NFYA: variants seen among roughly 807,000 people sequenced by gnomAD.
The protein encoded by NFYA is CAAT-box DNA binding protein subunit A.
In NFYA, 28 loss-of-function variants were observed where a neutral mutation model predicts 52.8. That is an observed-to-expected ratio of 0.53 (90% confidence interval 0.39 to 0.73). NFYA has a LOEUF of 0.73. Ranked by LOEUF, NFYA falls within the 30% of genes least tolerant of loss-of-function variation. NFYA has a pLI of 0.00. For missense variants in NFYA, 234 were observed against 427.0 expected (o/e 0.55, Z 3.98); for synonymous variants, 150 against 150.7 (o/e 1.00, Z 0.03).
chr6:41,100,807 C>G lies in NFYA; in HGVS notation c.*3397C>G, dbSNP rs796070670. 3.3e-5 allele frequency among the ~76,000 whole-genome samples: 5 copies of G among 152,330 alleles called. No individual in the cohort carries two copies. Among genetic ancestry groups the G allele is most frequent in the African/African-American group, 9.6e-5 (4 of 41,582 alleles). On this transcript the variant is annotated 3_prime_UTR_variant, in exon 10 of 10. Coordinates refer to ENST00000341376, the MANE Select transcript of NFYA (RefSeq NM_002505.5). ...AAAGACAGCTTTGCTCCTTTGAAAG[C>G]GCAGACCGCCGCACCTCCAGCCCCT... is the stretch of plus-strand genomic sequence containing the variant.
At chr6:41,078,278 C>T (rs1158774789) in intron 1 of NFYA, among the ~76,000 whole-genome samples, 3 of 152,124 alleles carry the variant, frequency 2.0e-5, no homozygotes, top group Non-Finnish European at 4.4e-5. Context: ...TGATTAATTC[C>T]ACCAGCATGT....
chr6:41,080,706 C>T (rs1157972903), intron 2 of NFYA, 105 bp from the exon 3 acceptor site: 5 of 874,248 alleles, frequency 5.7e-6, no homozygotes, highest in Non-Finnish European at 9.3e-6. Flanking sequence ...TTTTGAAAGT[C>T]CTTCAGGCTT....
chr6:41,074,981 C>A (rs1289416526), intron 1 of NFYA, among the ~76,000 whole-genome samples: 2 of 151,420 alleles, frequency 1.3e-5, no homozygotes, highest in Non-Finnish European at 2.9e-5. Context: ...TGTTATACAA[C>A]TAATAGGTTT....
chr6:41,092,605 T>C (rs1262378024), intron 7 of NFYA, among the ~76,000 whole-genome samples: 5 of 152,210 alleles, frequency 3.3e-5, no homozygotes, highest in Non-Finnish European at 4.4e-5. Context: ...TTTTGTCTTA[T>C]GACTACTGTT....
chr6:41,091,999 G>T (rs1274437972), intron 7 of NFYA, among the ~76,000 whole-genome samples: 2 of 152,172 alleles, frequency 1.3e-5, no homozygotes, highest in African/African-American at 4.8e-5. Flanking sequence ...TCTTTGAGAA[G>T]TGGAAAGTAG....
In NFYA at chr6:41,089,724, C is replaced by T; in HGVS notation, c.441+14C>T. On this transcript the variant is annotated intron_variant, in intron 5 of 9. Coordinates refer to ENST00000341376, the MANE Select transcript of NFYA (RefSeq NM_002505.5). ...GGCCAGACTCAGGTAATTCCACTAG[C>T]TCTGTCACACAGGAGCAAAACTGAT... 2 of 1,608,976 alleles carry T rather than the reference C, an allele frequency of 1.2e-6. No homozygotes were observed. The highest frequency in any genetic ancestry group is 1.1e-5 in the South Asian group (1 of 90,384).
chr6:41,094,299 A>G (rs1309178761), intron 8 of NFYA, 97 bp from the exon 9 acceptor site: 16 of 1,005,600 alleles, frequency 1.6e-5, no homozygotes, highest in Non-Finnish European at 2.1e-5. Flanking sequence ...CTTTGATCCC[A>G]GCTGTCTTAA....
Position 41,090,279 on chromosome 6 carries a change from G to C in NFYA, c.517G>C (p.Val173Leu), listed in dbSNP as rs1324923266. ...AGGGCAGACCATCGTCTATCAACCA[G>C]TTAATGCAGATGGCACCATTCTCCA... ...AEGQTIVYQPVNADGTILQQV... is the reference protein window; with the variant it reads ...AEGQTIVYQPLNADGTILQQV... Residue 173 changes from valine to leucine, a missense_variant, in exon 6 of 10, where the codon GTT (valine) becomes CTT (leucine). Physicochemically the swap from Val to Leu is conservative, Grantham distance 32 (BLOSUM62 1). This residue lies in a region of NFYA where 81 missense variants were observed against 210.5 expected (regional missense o/e 0.38). Transcript: ENST00000341376. The C allele has an allele frequency of 6.2e-6, 10 of 1,613,848 alleles. No homozygotes were observed. The Admixed American group carries it at 1.2e-4, about 19-fold the overall frequency.
chr6:41,080,973 G>A (rs1167369527), intron 3 of NFYA, 76 bp downstream of exon 3: 1 of 1,216,678 alleles, frequency 8.2e-7, no homozygotes, highest in African/African-American at 1.5e-5. Context: ...TTTGTGTTAG[G>A]ATCTCCAGTA....
chr6:41,074,331 A>G (rs565608294), intron 1 of NFYA, among the ~76,000 whole-genome samples: 72 of 152,340 alleles, frequency 4.7e-4, no homozygotes, highest in African/African-American at 1.7e-3. Context: ...TGCCAGGTAT[A>G]ATCCGTGTGT....
chr6:41,097,045 T>C (rs1764377433), intron 9 of NFYA, among the ~76,000 whole-genome samples: 1 of 152,218 alleles, frequency 6.6e-6, no homozygotes, highest in African/African-American at 2.4e-5. Context: ...GACACCTGAA[T>C]CTGAATACTC....
chr6:41,089,039 G>C (rs1020037759), intron 4 of NFYA, among the ~76,000 whole-genome samples: 1 of 152,078 alleles, frequency 6.6e-6, no homozygotes, highest in Non-Finnish European at 1.5e-5. Context: ...AGGCTGGAGT[G>C]CAGTGGCGTG....
rs1242332186 is a variant in NFYA, at chr6:41,091,449, G to T, written c.548-79G>T. Reference sequence around the variant, plus strand: ...AGGATCGGTGAGTGTATACCAGATAGAAGAGGGACTAACTATGTTCCCTTC... The same window carrying T: ...AGGATCGGTGAGTGTATACCAGATATAAGAGGGACTAACTATGTTCCCTTC... On this transcript the variant is annotated intron_variant, in intron 6 of 9. Transcript: ENST00000341376. The T allele has an allele frequency of 3.5e-6, 5 of 1,429,244 alleles. No individual in the cohort carries two copies. In the East Asian group the frequency reaches 1.2e-4, roughly 34 times the overall value. The allele number at this position is 1,429,244 out of a possible 1,614,324, so 88.5% of individuals were successfully genotyped here. A position where few individuals can be genotyped will look rare whatever the true frequency, so the allele number is the denominator to read the frequency against.
At chr6:41,073,449 G>A (rs775817385) in intron 1 of NFYA, among the ~76,000 whole-genome samples, 40 of 152,002 alleles carry the variant, frequency 2.6e-4, no homozygotes, top group Non-Finnish European at 5.2e-4. Context: ...GGGGACACAT[G>A]CGCGCCCTGG....
At chr6:41,080,373 T>C (rs571110899) in intron 2 of NFYA, among the ~76,000 whole-genome samples, 7 of 152,196 alleles carry the variant, frequency 4.6e-5, no homozygotes, top group Non-Finnish European at 1.0e-4. Context: ...TTTCGGTTCA[T>C]AGTGATTAAT....
At chr6:41,091,777 C>A in intron 7 of NFYA, 83 bp downstream of exon 7, 1 of 1,489,154 alleles carries the variant, frequency 6.7e-7, no homozygotes. Context: ...ATTATGTTGA[C>A]CTCTTGGGAT....
intron 4 of NFYA, among the ~76,000 whole-genome samples, chr6:41,084,695 G>T (rs1763994621): frequency 6.6e-6 from 1 of 152,222 alleles, no homozygotes; most frequent in Non-Finnish European, 1.5e-5. Flanking sequence ...AGGCGCAGTG[G>T]CTCATGCCTG....
At chr6:41,083,368 G>A (rs914875853) in intron 3 of NFYA, among the ~76,000 whole-genome samples, 1 of 152,212 alleles carries the variant, frequency 6.6e-6, no homozygotes, top group African/African-American at 2.4e-5. Flanking sequence ...GGCCAGTGAG[G>A]AATTCCACCA....
Position 41,079,121 on chromosome 6 carries a change from C to T in NFYA, c.32C>T (p.Ser11Leu), listed in dbSNP as rs754042015. 2 of 1,614,002 alleles carry T rather than the reference C, an allele frequency of 1.2e-6. No individual in the cohort carries two copies. The highest frequency in any genetic ancestry group is 2.2e-5 in the East Asian group (1 of 44,890). Residue 11 changes from serine to leucine, a missense_variant, in exon 2 of 10, where the codon TCG becomes TTG. This residue lies in a region of NFYA where 118 missense variants were observed against 182.4 expected (regional missense o/e 0.65). Coordinates refer to ENST00000341376, the MANE Select transcript of NFYA (RefSeq NM_002505.5). MEQYTANSNS[S>L]TEQIVVQAGQ... ...CAGTATACAGCAAACAGCAATAGTT[C>T]GACAGAGCAGATTGTTGTCCAGGCA...
Sources: allele counts gnomAD v4.1 joint callset (sites outside exome capture counted in the v4.1 genomes callset), GRCh38; gene constraint gnomAD v4.1.1; regional missense constraint gnomAD v4.1.1; transcripts MANE v1.5; gene names NCBI Gene and HGNC (gene_info 2026-07-23, HGNC 2026-07-21).